The following PIK3AP1 variants were observed in gnomAD, a reference collection of about 807,000 sequenced individuals.
PIK3AP1 encodes phosphoinositide 3-kinase adapter protein 1.
Under a neutral mutation model 88.1 loss-of-function variants are expected in PIK3AP1, and 21 were observed. The ratio of observed to expected loss-of-function variants is 0.24; its 90% CI spans 0.17 to 0.34. The LOEUF (loss-of-function observed/expected upper bound fraction) is 0.34, where lower values mean the gene tolerates loss of function less well. Ranked by LOEUF, PIK3AP1 falls within the 10% of genes least tolerant of loss-of-function variation. PIK3AP1 has a pLI of 1.00. For missense variants in PIK3AP1, 828 were observed against 1,035.7 expected, an observed-to-expected ratio of 0.80 and a Z score of 2.75; for synonymous variants, 398 against 400.0, an observed-to-expected ratio of 1.00 and a Z score of 0.06.
chr10:96,604,873 T>C (rs540329464), intron 14 of PIK3AP1, among the ~76,000 whole-genome samples: 91 of 152,164 alleles, frequency 6.0e-4, no homozygotes, highest in Non-Finnish European at 1.0e-3. Context: ...ATTTTTTTTT[T>C]CCCCGAGACT....
intron 13 of PIK3AP1, among the ~76,000 whole-genome samples, chr10:96,615,347 T>A (rs958064559): frequency 2.6e-5 from 4 of 152,100 alleles, no homozygotes; most frequent in Non-Finnish European, 5.9e-5. Flanking sequence ...GACTTTTAAA[T>A]TTTTTAAACA....
intron 8 of PIK3AP1, among the ~76,000 whole-genome samples, chr10:96,636,542 C>T (rs564087560): frequency 3.9e-5 from 6 of 152,250 alleles, no homozygotes; most frequent in Admixed American, 6.5e-5. Flanking sequence ...AGACAAAGAG[C>T]ATTTTGGGAG....
rs775431769 is a variant in PIK3AP1, at chr10:96,600,791, C to T, written c.2360+1489G>A. 3.9e-5 allele frequency among the ~76,000 whole-genome samples: 6 copies of T among 152,222 alleles called. No homozygotes were observed. The South Asian group carries it at 6.2e-4, about 16-fold the overall frequency. On this transcript the variant is annotated intron_variant, in intron 16 of 16. Transcript: ENST00000339364. ...ACCCTGGTTGAAGAAAAGCTTCCTC[C>T]TTCCTTATGCCCCATTAACACATGA...
In PIK3AP1 at chr10:96,687,277, AAAAAAAAAG is replaced by A. The variant is rs1240947640; in HGVS notation, c.430+22281_430+22289del. The stretch of plus-strand genomic sequence containing the variant: ...TCTCAAAAAAAAAAAAAAAAAAAAA[AAAAAAAAAG>A]AAAAAAGATCTCCTCCTTTCAAGGA... On this transcript the variant is annotated intron_variant, in intron 2 of 16. Transcript: ENST00000339364. 1.8e-4 allele frequency among the ~76,000 whole-genome samples: 24 copies of A among 134,202 alleles called. 1 individual carries two copies. Among genetic ancestry groups the A allele is most frequent in the African/African-American group, 8.6e-4 (22 of 25,664 alleles). 88.0% of individuals were successfully genotyped at this position (134,202 alleles called of 152,430 possible).
At chr10:96,595,888 C>A (rs540803251) in intron 16 of PIK3AP1, among the ~76,000 whole-genome samples, 1 of 152,290 alleles carries the variant, frequency 6.6e-6, no homozygotes, top group South Asian at 2.1e-4. Context: ...GCATTCTAAG[C>A]TCTAGAGGAT....
At chr10:96,643,221 A>C (rs1186985605) in intron 8 of PIK3AP1, among the ~76,000 whole-genome samples, 1 of 152,242 alleles carries the variant, frequency 6.6e-6, no homozygotes, top group East Asian at 1.9e-4. Flanking sequence ...GAAAGGCTAT[A>C]GAGGCTAGAT....
In PIK3AP1 at chr10:96,718,063, A is replaced by G. The variant is rs34569914; in HGVS notation, c.13+2319T>C. ...CAAAGGAAGCCAGTCACCAAAGACC[A>G]CATACTATGTGATTCCATTCATATA... On this transcript the variant is annotated intron_variant, in intron 1 of 16. Transcript: ENST00000339364. Among the ~76,000 whole-genome samples the G allele has an allele frequency of 4.1e-3, 626 of 152,360 alleles. 1 individual carries two copies. Among genetic ancestry groups the G allele is most frequent in the Non-Finnish European group, 7.5e-3 (513 of 68,034 alleles).
intron 2 of PIK3AP1, among the ~76,000 whole-genome samples, chr10:96,689,177 C>T (rs1046700099): frequency 6.6e-6 from 1 of 152,136 alleles, no homozygotes; most frequent in Non-Finnish European, 1.5e-5. Context: ...CAAATGCAAA[C>T]GCATCCTGTG....
chr10:96,632,920 C>T (rs373815348), intron 8 of PIK3AP1: 271 of 1,612,554 alleles, frequency 1.7e-4, no homozygotes, highest in Non-Finnish European at 2.1e-4. Flanking sequence ...GGCACCAGTC[C>T]ACTCACAAAG....
intron 12 of PIK3AP1, among the ~76,000 whole-genome samples, chr10:96,617,582 A>T (rs1843011953): frequency 1.3e-5 from 2 of 152,178 alleles, no homozygotes; most frequent in African/African-American, 4.8e-5. Context: ...AGGCCAGCAG[A>T]CCTTCCTGGA....
At chr10:96,624,449 A>G (rs534905702) in intron 10 of PIK3AP1, among the ~76,000 whole-genome samples, 4 of 152,316 alleles carry the variant, frequency 2.6e-5, no homozygotes, top group Admixed American at 1.3e-4. Flanking sequence ...ATGGCAGAGT[A>G]TTAGTATGTA....
At chr10:96,647,519 A>G (rs186544483) in intron 7 of PIK3AP1, among the ~76,000 whole-genome samples, 98 of 145,554 alleles carry the variant, frequency 6.7e-4, no homozygotes, top group African/African-American at 2.7e-3. Context: ...TGACTTTAAG[A>G]AAAAACTGAG....
chr10:96,651,230 G>C lies in PIK3AP1; in HGVS notation c.988+18C>G. 1.2e-6 allele frequency: 2 copies of C among 1,614,172 alleles called. No individual in the cohort carries two copies. The highest frequency in any genetic ancestry group is 1.7e-6 in the Non-Finnish European group (2 of 1,180,002). ...AATCAGCCCACGTTGGTTTCCTGAG[G>C]TTTGACTGTCAACTTACTTGTCATC... is the stretch of plus-strand genomic sequence containing the variant. On this transcript the variant is annotated intron_variant, in intron 6 of 16. Transcript: ENST00000339364.
chr10:96,641,126 CGTGT>C (rs1843383259), intron 8 of PIK3AP1, among the ~76,000 whole-genome samples: 1 of 109,412 alleles, frequency 9.1e-6, no homozygotes, highest in Admixed American at 8.2e-5. Context: ...TGTGTGTGTG[CGTGT>C]GCATGTATAC....
intron 8 of PIK3AP1, among the ~76,000 whole-genome samples, chr10:96,643,447 C>T (rs1843418293): frequency 1.3e-5 from 2 of 152,178 alleles, no homozygotes; most frequent in Non-Finnish European, 2.9e-5. Context: ...TTTCGGACTT[C>T]AGGTCCGAAA....
intron 2 of PIK3AP1, among the ~76,000 whole-genome samples, chr10:96,680,571 G>C (rs1265070809): frequency 6.6e-6 from 1 of 152,090 alleles, no homozygotes; most frequent in East Asian, 1.9e-4. Context: ...TTGGTTTTCT[G>C]TTCCTCTGTT....
At chr10:96,618,517 CT>C (rs757545948) in intron 12 of PIK3AP1, 13 of 151,548 alleles carry the variant, frequency 8.6e-5, no homozygotes, top group Non-Finnish European at 1.9e-4. Flanking sequence ...TGGCTTATAC[CT>C]ATTTATATTT....
At chr10:96,605,477 AG>A (rs1049111187) in intron 14 of PIK3AP1, among the ~76,000 whole-genome samples, 85 of 152,344 alleles carry the variant, frequency 5.6e-4, no homozygotes, top group Middle Eastern at 3.4e-3. Context: ...GCAGAGAAGA[AG>A]AAAAAATAAG....
intron 8 of PIK3AP1, among the ~76,000 whole-genome samples, chr10:96,644,217 T>C (rs1197625581): frequency 6.6e-6 from 1 of 152,244 alleles, no homozygotes; most frequent in Non-Finnish European, 1.5e-5. Flanking sequence ...CTAGACATCC[T>C]GCTATGTGTG....
Sources: gnomAD v4.1 joint callset for allele counts (sites outside exome capture counted in the v4.1 genomes callset) on GRCh38, gnomAD v4.1.1 for gene constraint, MANE v1.5 for transcripts, NCBI Gene and HGNC (gene_info 2026-07-23, HGNC 2026-07-21) for gene names.